ARL15: variants seen among roughly 807,000 people sequenced by gnomAD.
ARL15 encodes the protein ADP-ribosylation factor-like protein 15.
In ARL15, 19 loss-of-function variants were observed where a neutral mutation model predicts 25.2. The ratio of observed to expected loss-of-function variants is 0.75; its 90% confidence interval spans 0.53 to 1.10. ARL15 has a LOEUF of 1.10. Ranked by LOEUF, ARL15 falls within the 50% of genes least tolerant of loss-of-function variation. The pLI, the probability that ARL15 is intolerant of heterozygous loss-of-function variation, is 0.00. For synonymous variants in ARL15, 94 were observed against 86.8 expected, an observed-to-expected ratio of 1.08 and a Z score of -0.46; for missense variants, 220 against 246.0, an observed-to-expected ratio of 0.89 and a Z score of 0.71.
In ARL15 at chr5:54,158,651, G is replaced by C. The variant is rs187151631; in HGVS notation, c.194-4012C>G. On this transcript the variant is annotated intron_variant, in intron 2 of 4. Coordinates refer to ENST00000504924, the MANE Select transcript of ARL15 (RefSeq NM_019087.3). The stretch of plus-strand genomic sequence containing the variant: ...GCACTTTGGGAGGCCGAGGCGGGTG[G>C]ATCACGAGGTCAGGAGTTTGAGACC... Among the ~76,000 whole-genome samples, 1,464 of 152,268 alleles carry C rather than the reference G, an allele frequency of 9.6e-3. 18 individuals are homozygous for C. The highest frequency in any genetic ancestry group is 0.028 in the African/African-American group (1,155 of 41,550).
At chr5:53,956,670 A>G (rs1669020325) in intron 4 of ARL15, among the ~76,000 whole-genome samples, 1 of 151,962 alleles carries the variant, frequency 6.6e-6, no homozygotes, top group Admixed American at 6.6e-5. Context: ...ATATCAATAA[A>G]GAGACAGAAA....
chr5:54,173,908 A>G (rs1002276423), intron 1 of ARL15, among the ~76,000 whole-genome samples: 1 of 151,860 alleles, frequency 6.6e-6, no homozygotes, highest in Non-Finnish European at 1.5e-5. Context: ...GGCATCTAAT[A>G]TGCTGTTCCT....
At chr5:54,251,930 G>T (rs1464376766) in intron 1 of ARL15, among the ~76,000 whole-genome samples, 2 of 152,236 alleles carry the variant, frequency 1.3e-5, no homozygotes, top group Non-Finnish European at 2.9e-5. Context: ...CTGCCCATGG[G>T]ATTCCCATAG....
intron 3 of ARL15, among the ~76,000 whole-genome samples, chr5:54,129,457 T>C (rs1359429210): frequency 6.6e-6 from 1 of 152,068 alleles, no homozygotes; most frequent in Non-Finnish European, 1.5e-5. Flanking sequence ...ACAGAGACAG[T>C]AGCAAGAAGA....
At chr5:53,918,562 T>G (rs531259343) in intron 4 of ARL15, among the ~76,000 whole-genome samples, 1 of 152,318 alleles carries the variant, frequency 6.6e-6, no homozygotes, top group African/African-American at 2.4e-5. Context: ...AATGTGATAA[T>G]GAGAGATGAG....
chr5:53,921,400 G>A (rs1745857893), intron 4 of ARL15, among the ~76,000 whole-genome samples: 1 of 152,154 alleles, frequency 6.6e-6, no homozygotes, highest in African/African-American at 2.4e-5. Flanking sequence ...TTTTAACCTT[G>A]AACTTATGTT....
intron 3 of ARL15, among the ~76,000 whole-genome samples, chr5:54,146,898 G>A (rs1215169143): frequency 6.6e-6 from 1 of 152,120 alleles, no homozygotes; most frequent in Non-Finnish European, 1.5e-5. Context: ...CACTTCTCCA[G>A]AAGAAAACAA....
At chr5:54,076,259 A>G (rs1310528178) in intron 4 of ARL15, among the ~76,000 whole-genome samples, 2 of 151,750 alleles carry the variant, frequency 1.3e-5, no homozygotes, top group Non-Finnish European at 2.9e-5. Flanking sequence ...TACTAAAAAC[A>G]TGAAAAAAAA....
chr5:53,993,610 T>C (rs951646742), intron 4 of ARL15, among the ~76,000 whole-genome samples: 3 of 152,240 alleles, frequency 2.0e-5, no homozygotes, highest in Non-Finnish European at 2.9e-5. Flanking sequence ...TTACCTCATA[T>C]TGCTTTTGCC....
chr5:53,990,813 A>G (rs1418447534), intron 4 of ARL15, among the ~76,000 whole-genome samples: 1 of 152,208 alleles, frequency 6.6e-6, no homozygotes, highest in East Asian at 1.9e-4. Context: ...GAATTATTTT[A>G]TGAATTGAAA....
intron 3 of ARL15, among the ~76,000 whole-genome samples, chr5:54,131,519 C>T (rs909041877): frequency 6.6e-6 from 1 of 152,050 alleles, no homozygotes; most frequent in Non-Finnish European, 1.5e-5. Flanking sequence ...AATCTTTTTT[C>T]CCCCACTAAG....
At chr5:53,961,178 G>C (rs1747352672) in intron 4 of ARL15, among the ~76,000 whole-genome samples, 1 of 152,028 alleles carries the variant, frequency 6.6e-6, no homozygotes, top group Non-Finnish European at 1.5e-5. Context: ...TTAATAAGTA[G>C]AGTCATAGAC....
At position 54,125,075 on chromosome 5, in the gene ARL15, GTTTTGTTTTGTTTT is replaced by G. The variant is rs1325941627; in HGVS notation, c.254-11679_254-11666del. On this transcript the variant is annotated intron_variant, in intron 3 of 4. Coordinates refer to ENST00000504924, the MANE Select transcript of ARL15 (RefSeq NM_019087.3). ...TTCTGGTAAGCAAGTTTTTTGTTTT[GTTTTGTTTTGTTTT>G]TTTTTTTTTTGAGACACAGTCTCAC... 1.5e-5 allele frequency among the ~76,000 whole-genome samples: 2 copies of G among 134,968 alleles called. 1 individual carries two copies. The highest frequency in any genetic ancestry group is 3.2e-5 in the Non-Finnish European group (2 of 62,596). The allele number at this position is 134,968 out of a possible 152,430, so 88.5% of individuals were successfully genotyped here.
chr5:54,161,291 G>A (rs1457506314), intron 2 of ARL15, among the ~76,000 whole-genome samples: 4 of 151,958 alleles, frequency 2.6e-5, no homozygotes, highest in African/African-American at 9.7e-5. Flanking sequence ...AATTGCCAGT[G>A]GCATAATTAC....
chr5:53,939,431 T>C (rs1246537776), intron 4 of ARL15, among the ~76,000 whole-genome samples: 4 of 152,178 alleles, frequency 2.6e-5, no homozygotes, highest in Non-Finnish European at 5.9e-5. Flanking sequence ...CATTTCCGTT[T>C]TGCAAATAGC....
intron 3 of ARL15, among the ~76,000 whole-genome samples, chr5:54,153,832 A>T (rs951854700): frequency 6.6e-6 from 1 of 152,238 alleles, no homozygotes; most frequent in Non-Finnish European, 1.5e-5. Flanking sequence ...TAAACAAAAC[A>T]AAACAAAACA....
At chr5:54,051,580 G>A (rs909083304) in intron 4 of ARL15, among the ~76,000 whole-genome samples, 8 of 152,122 alleles carry the variant, frequency 5.3e-5, no homozygotes, top group Admixed American at 4.6e-4. Flanking sequence ...GATGCTCAAC[G>A]TCATCTGACA....
intron 3 of ARL15, among the ~76,000 whole-genome samples, chr5:54,130,338 T>C (rs553870211): frequency 5.3e-5 from 8 of 152,328 alleles, no homozygotes; most frequent in African/African-American, 1.9e-4. Context: ...AAAAAAGTGT[T>C]CTGGGAAGCA....
At chr5:54,275,691 ATT>A (rs111402842) in intron 1 of ARL15, among the ~76,000 whole-genome samples, 4 of 144,690 alleles carry the variant, frequency 2.8e-5, no homozygotes, top group African/African-American at 1.1e-4. Flanking sequence ...TATTTTATTT[ATT>A]TTTTTTTTTG....
Sources: allele counts gnomAD v4.1 joint callset (sites outside exome capture counted in the v4.1 genomes callset), GRCh38; gene constraint gnomAD v4.1.1; transcripts MANE v1.5; gene names NCBI Gene and HGNC (gene_info 2026-07-23, HGNC 2026-07-21).